C1orf21: variants seen among roughly 807,000 people sequenced by gnomAD.
The protein encoded by C1orf21 is uncharacterized protein C1orf21.
In C1orf21, 3 loss-of-function variants were observed where a neutral mutation model predicts 18.7. The ratio of observed to expected loss-of-function variants is 0.16; its 90% confidence interval spans 0.07 to 0.42. The LOEUF (loss-of-function observed/expected upper bound fraction) is 0.42, where lower values mean the gene tolerates loss of function less well. Among genes scored for constraint, C1orf21 ranks in the 10% least tolerant of loss-of-function variants. The pLI is 0.99. For missense variants in C1orf21, 104 were observed against 143.6 expected (o/e 0.72, Z 1.41); for synonymous variants, 41 against 46.4 (o/e 0.88, Z 0.47).
At chr1:184,474,066 G>A (rs1657534765) in intron 1 of C1orf21, among the ~76,000 whole-genome samples, 1 of 152,162 alleles carries the variant, frequency 6.6e-6, no homozygotes, top group Non-Finnish European at 1.5e-5. Flanking sequence ...GATTAACTTT[G>A]TGAATTAGAG....
chr1:184,495,103 G>C (rs914429333), intron 2 of C1orf21, among the ~76,000 whole-genome samples: 2 of 152,198 alleles, frequency 1.3e-5, no homozygotes, highest in African/African-American at 2.4e-5. Context: ...GACATGGCTT[G>C]CTTGTTCATT....
At chr1:184,525,801 C>T (rs1303091305) in intron 3 of C1orf21, among the ~76,000 whole-genome samples, 2 of 152,090 alleles carry the variant, frequency 1.3e-5, no homozygotes, top group African/African-American at 4.8e-5. Flanking sequence ...TCTGCCAGAT[C>T]AAAAGCCTGT....
At chr1:184,525,155 G>A (rs942617379) in intron 3 of C1orf21, among the ~76,000 whole-genome samples, 13 of 151,668 alleles carry the variant, frequency 8.6e-5, no homozygotes, top group Non-Finnish European at 1.3e-4. Context: ...TTTAAACATA[G>A]GGTTAACCAT....
rs1444085820 is a variant in C1orf21, at chr1:184,622,419, G to C, written c.*2863G>C. ...ACACATGCCTTATGTCCTCTGAGTT[G>C]TAGAGTTGTAAAAGTTCAGCAGTGT... On this transcript the variant is annotated 3_prime_UTR_variant, in exon 6 of 6. Transcript: ENST00000235307. 1 of 152,682 alleles carries C rather than the reference G, an allele frequency of 6.5e-6. No individual in the cohort carries two copies. Among genetic ancestry groups the C allele is most frequent in the Non-Finnish European group, 1.5e-5 (1 of 68,062 alleles). The allele number at this position is 152,682 out of a possible 1,614,324, so 9.5% of individuals were successfully genotyped here. A position where few individuals can be genotyped will look rare whatever the true frequency, so the allele number is the denominator to read the frequency against.
chr1:184,573,177 A>G (rs562270019), intron 3 of C1orf21, among the ~76,000 whole-genome samples: 23 of 152,286 alleles, frequency 1.5e-4, no homozygotes, highest in Admixed American at 5.2e-4. Flanking sequence ...CCCTGAGAAT[A>G]CTCACTGATG....
chr1:184,464,062 G>A (rs1277139923), intron 1 of C1orf21, among the ~76,000 whole-genome samples: 1 of 152,230 alleles, frequency 6.6e-6, no homozygotes, highest in African/African-American at 2.4e-5. Flanking sequence ...AGACTGGCTG[G>A]AGCAAGATGC....
chr1:184,428,747 A>C (rs549950600), intron 1 of C1orf21, among the ~76,000 whole-genome samples: 52 of 152,144 alleles, frequency 3.4e-4, no homozygotes, highest in Non-Finnish European at 7.3e-4. Context: ...AGTCTGTGGC[A>C]CACTGGCCTG....
chr1:184,464,511 T>A (rs1657357744), intron 1 of C1orf21, among the ~76,000 whole-genome samples: 1 of 152,170 alleles, frequency 6.6e-6, no homozygotes, highest in Non-Finnish European at 1.5e-5. Context: ...TCAAGAGGAT[T>A]TGTTGAGTTT....
chr1:184,441,468 A>G (rs1306385488), intron 1 of C1orf21, among the ~76,000 whole-genome samples: 1 of 152,216 alleles, frequency 6.6e-6, no homozygotes, highest in Non-Finnish European at 1.5e-5. Flanking sequence ...TAGTCCTTGT[A>G]TTCTTACTCA....
intron 1 of C1orf21, among the ~76,000 whole-genome samples, chr1:184,390,597 G>A (rs1210680829): frequency 6.6e-6 from 1 of 152,094 alleles, no homozygotes; most frequent in Non-Finnish European, 1.5e-5. Flanking sequence ...TACTATTTTG[G>A]AAATGGATAT....
At chr1:184,618,366 C>A (rs145825993) in intron 5 of C1orf21, among the ~76,000 whole-genome samples, 1,785 of 152,220 alleles carry the variant, frequency 0.012, 13 homozygotes, top group Non-Finnish European at 0.021. Context: ...CTTCATTTTA[C>A]AGATGAAGAA....
intron 4 of C1orf21, among the ~76,000 whole-genome samples, chr1:184,595,773 A>G (rs904453976): frequency 2.0e-5 from 3 of 152,188 alleles, no homozygotes; most frequent in African/African-American, 4.8e-5. Context: ...TGGTGCATCA[A>G]GCTTCCTTCC....
chr1:184,594,142 A>T (rs138968957), intron 4 of C1orf21, among the ~76,000 whole-genome samples: 110 of 152,316 alleles, frequency 7.2e-4, no homozygotes, highest in Non-Finnish European at 1.0e-3. Context: ...TAACAAAATA[A>T]ATAAAAGTGA....
At chr1:184,409,007 T>G (rs755451261) in intron 1 of C1orf21, among the ~76,000 whole-genome samples, 1 of 152,240 alleles carries the variant, frequency 6.6e-6, no homozygotes, top group Non-Finnish European at 1.5e-5. Flanking sequence ...GCATTGGTCC[T>G]AGAAGAAACT....
chr1:184,582,415 C>T (rs996593771), intron 3 of C1orf21, among the ~76,000 whole-genome samples: 4 of 152,244 alleles, frequency 2.6e-5, no homozygotes, highest in African/African-American at 9.6e-5. Context: ...CACATGCTCA[C>T]AGTCTGTGTG....
At chr1:184,455,415 A>G (rs1657183076) in intron 1 of C1orf21, among the ~76,000 whole-genome samples, 1 of 152,188 alleles carries the variant, frequency 6.6e-6, no homozygotes, top group South Asian at 2.1e-4. Context: ...GAGATTCTGC[A>G]TTCCTAAAAA....
intron 2 of C1orf21, among the ~76,000 whole-genome samples, chr1:184,504,788 G>A (rs1658028715): frequency 6.6e-6 from 1 of 152,108 alleles, no homozygotes; most frequent in South Asian, 2.1e-4. Flanking sequence ...TGTAGTCGTG[G>A]CTGTTTGTTT....
chr1:184,468,082 C>T (rs904156354), intron 1 of C1orf21, among the ~76,000 whole-genome samples: 12 of 151,888 alleles, frequency 7.9e-5, no homozygotes, highest in East Asian at 1.9e-4. Context: ...GAGACAAAGT[C>T]CTTCCCCCCA....
At chr1:184,530,122 A>G (rs1352667548) in intron 3 of C1orf21, among the ~76,000 whole-genome samples, 1 of 152,244 alleles carries the variant, frequency 6.6e-6, no homozygotes, top group East Asian at 1.9e-4. Context: ...TTTAGTTATT[A>G]GTAATCTAAA....
Sources: allele counts gnomAD v4.1 joint callset (sites outside exome capture counted in the v4.1 genomes callset), GRCh38; gene constraint gnomAD v4.1.1; transcripts MANE v1.5; gene names NCBI Gene and HGNC (gene_info 2026-07-23, HGNC 2026-07-21).